IGFBP5: variants seen among roughly 807,000 people sequenced by gnomAD.
IGFBP5 encodes insulin-like growth factor-binding protein 5.
IGFBP5 carries 12 observed loss-of-function variants against 28.0 expected under a neutral mutation model. The observed-to-expected ratio is 0.43, with a 90% CI of 0.27 to 0.69. The LOEUF is 0.69. IGFBP5 is among the 30% of genes least tolerant of loss of function. The probability of loss-of-function intolerance (pLI) is 0.20; values close to 1 mark genes in which losing one functional copy is unlikely to be tolerated. For missense variants in IGFBP5, 344 were observed against 381.6 expected, an observed-to-expected ratio of 0.90 and a Z score of 0.82; for synonymous variants, 152 against 150.2, an observed-to-expected ratio of 1.01 and a Z score of -0.09.
chr2:216,693,276 C>T (rs1574584215), intron 1 of IGFBP5, among the ~76,000 whole-genome samples: 1 of 152,060 alleles, frequency 6.6e-6, no homozygotes, highest in Non-Finnish European at 1.5e-5. Context: ...CTCCTGGCGC[C>T]GAGAATTTGG....
rs1303690987 is a variant in IGFBP5, at chr2:216,675,771, C to A, written c.*980G>T. On this transcript the variant is annotated 3_prime_UTR_variant, in exon 4 of 4. Transcript: ENST00000233813. Reference sequence around the variant, plus strand: ...AAAGAAAAAGAATAGATTTATATGCCTATATATGACTATATGGAGTCCTGT... The same window carrying A: ...AAAGAAAAAGAATAGATTTATATGCATATATATGACTATATGGAGTCCTGT... 1 of 151,724 alleles carries A rather than the reference C, an allele frequency of 6.6e-6. No individual in the cohort carries two copies. The highest frequency in any genetic ancestry group is 2.4e-5 in the African/African-American group (1 of 41,344). 9.4% of individuals were successfully genotyped at this position (151,724 alleles called of 1,614,324 possible).
chr2:216,681,765 C>G (rs1688980177), intron 1 of IGFBP5, among the ~76,000 whole-genome samples: 1 of 152,162 alleles, frequency 6.6e-6, no homozygotes, highest in African/African-American at 2.4e-5. Flanking sequence ...TTGGGGGACA[C>G]AGAAGCATGG....
rs59144401 is a variant in IGFBP5, at chr2:216,692,362, C to CGTGTGTGTGTGTGTGT, written c.337+2061_337+2076dup. Among the ~76,000 whole-genome samples the CGTGTGTGTGTGTGTGT allele has an allele frequency of 4.9e-4, 70 of 142,530 alleles. No individual in the cohort carries two copies. Among genetic ancestry groups the CGTGTGTGTGTGTGTGT allele is most frequent in the Admixed American group, 1.2e-3 (17 of 14,540 alleles). 93.5% of individuals were successfully genotyped at this position (142,530 alleles called of 152,430 possible). A position where few individuals can be genotyped will look rare whatever the true frequency, so the allele number is the denominator to read the frequency against. On this transcript the variant is annotated intron_variant, in intron 1 of 3. Coordinates refer to ENST00000233813, the MANE Select transcript of IGFBP5 (RefSeq NM_000599.4). This position sits in a 1 kb window ranked among gnomAD's most constrained non-coding sequence, Gnocchi z 4.2. Reference sequence around the variant, plus strand: ...GGGATCTTGCTTGGGACTGAAGTGTCGTGTGTGTGTGTGTGTGTGTGTGTG... The same window carrying CGTGTGTGTGTGTGTGT: ...GGGATCTTGCTTGGGACTGAAGTGTCGTGTGTGTGTGTGTGTGTGTGTGTGTGTGTGTGTGTGTGTG...
In IGFBP5 at chr2:216,672,544, C is replaced by T. The variant is rs920785609; in HGVS notation, c.*4207G>A. The T allele has an allele frequency of 2.0e-5, 3 of 151,874 alleles. No individual in the cohort carries two copies. Among genetic ancestry groups the T allele is most frequent in the Admixed American group, 1.3e-4 (2 of 15,230 alleles). 9.4% of individuals were successfully genotyped at this position (151,874 alleles called of 1,614,324 possible). ...AAAAAAAAAAGAAAAAGAAAAACAA[C>T]AACAACAACAACGAAAACAACCGGT... is the stretch of plus-strand genomic sequence containing the variant. On this transcript the variant is annotated 3_prime_UTR_variant, in exon 4 of 4. Transcript: ENST00000233813.
chr2:216,685,887 T>G (rs1334542167), intron 1 of IGFBP5, among the ~76,000 whole-genome samples: 2 of 152,120 alleles, frequency 1.3e-5, no homozygotes, highest in Admixed American at 6.5e-5. Context: ...TGTTTTTGTT[T>G]TTTGTTTGTT....
chr2:216,682,243 G>A (rs964022829), intron 1 of IGFBP5, among the ~76,000 whole-genome samples: 11 of 152,222 alleles, frequency 7.2e-5, no homozygotes, highest in African/African-American at 2.4e-4. Flanking sequence ...GTCCAGTGTC[G>A]AAGATACTAA....
Position 216,676,676 on chromosome 2 carries a change from G to T in IGFBP5, c.*75C>A. 5 of 932,244 alleles carry T rather than the reference G, an allele frequency of 5.4e-6. No individual in the cohort carries two copies. Among genetic ancestry groups the T allele is most frequent in the Non-Finnish European group, 5.0e-6 (3 of 598,236 alleles). 57.7% of individuals were successfully genotyped at this position (932,244 alleles called of 1,614,324 possible). ...AATGAGATGAAATGAGTGGCGTCCTGGGGTGGAGGGAGGCGCTGGCTGGAG... is the reference window on the plus strand; with the variant it reads ...AATGAGATGAAATGAGTGGCGTCCTTGGGTGGAGGGAGGCGCTGGCTGGAG... On this transcript the variant is annotated 3_prime_UTR_variant, in exon 4 of 4. Transcript: ENST00000233813.
intron 1 of IGFBP5, among the ~76,000 whole-genome samples, chr2:216,682,713 T>G (rs1688989905): frequency 6.6e-6 from 1 of 151,170 alleles, no homozygotes. Context: ...AAGCGTTTTT[T>G]GTTTTTTTTT....
rs1315489521 is a variant in IGFBP5, at chr2:216,694,176, G to C, written c.337+263C>G. On this transcript the variant is annotated intron_variant, in intron 1 of 3. Coordinates refer to ENST00000233813, the MANE Select transcript of IGFBP5 (RefSeq NM_000599.4). This position sits in a 1 kb window ranked among gnomAD's most constrained non-coding sequence, Gnocchi z 5.2. ...GAATAAGAGCTCAGAATCAGTATTC[G>C]GACAGAGTAGGGGGAGGGGGCGGGC... is the stretch of plus-strand genomic sequence containing the variant. Among the ~76,000 whole-genome samples the C allele has an allele frequency of 6.6e-6, 1 of 151,848 alleles. No homozygotes were observed. The highest frequency in any genetic ancestry group is 1.5e-5 in the Non-Finnish European group (1 of 67,968).
Position 216,694,818 on chromosome 2 carries a change from G to A in IGFBP5, c.-43C>T, listed in dbSNP as rs1689149188. ...CTTTACCTCGGGGTGGGGCAGGAGA[G>A]CGAGAGTGCAGGGATAAAGGGGCCA... On this transcript the variant is annotated 5_prime_UTR_variant, in exon 1 of 4. Coordinates refer to ENST00000233813, the MANE Select transcript of IGFBP5 (RefSeq NM_000599.4). The surrounding 1 kb of genome is among the most constrained non-coding windows in gnomAD (Gnocchi z 5.2). The A allele has an allele frequency of 1.5e-6, 2 of 1,326,054 alleles. No homozygotes were observed. Among genetic ancestry groups the A allele is most frequent in the Non-Finnish European group, 1.9e-6 (2 of 1,026,630 alleles). 82.1% of individuals were successfully genotyped at this position (1,326,054 alleles called of 1,614,324 possible). A position where few individuals can be genotyped will look rare whatever the true frequency, so the allele number is the denominator to read the frequency against.
chr2:216,686,531 G>C (rs1195360760), intron 1 of IGFBP5, among the ~76,000 whole-genome samples: 1 of 152,002 alleles, frequency 6.6e-6, no homozygotes, highest in Non-Finnish European at 1.5e-5. Context: ...AAGGGAGGAT[G>C]GCTTGAACCC....
At chr2:216,689,200 A>G (rs952100497) in intron 1 of IGFBP5, among the ~76,000 whole-genome samples, 10 of 152,132 alleles carry the variant, frequency 6.6e-5, no homozygotes, top group Non-Finnish European at 1.5e-4. Context: ...CTTCAAGACT[A>G]CAGGCCGCTG....
chr2:216,684,157 T>C (rs1689009857), intron 1 of IGFBP5, among the ~76,000 whole-genome samples: 2 of 152,210 alleles, frequency 1.3e-5, no homozygotes, highest in Non-Finnish European at 2.9e-5. Flanking sequence ...ACAACGCATG[T>C]ACCCTGCCCA....
chr2:216,676,738 G>C lies in IGFBP5; in HGVS notation c.*13C>G, dbSNP rs377470775. On this transcript the variant is annotated 3_prime_UTR_variant, in exon 4 of 4. Transcript: ENST00000233813. ...GGTGGGAGGGGGTGAGGGAAAGGTT[G>C]GGGGGGGACGCATCACTCAACGTTG... is the stretch of plus-strand genomic sequence containing the variant. The C allele has an allele frequency of 3.8e-6, 6 of 1,590,366 alleles. No individual in the cohort carries two copies. The South Asian group carries it at 4.5e-5, about 12-fold the overall frequency.
In IGFBP5 at chr2:216,679,002, G is replaced by A. The variant is rs1466432252; in HGVS notation, c.415C>T (p.Pro139Ser). 6.2e-7 allele frequency: 1 copy of A among 1,614,136 alleles called. No homozygotes were observed. Among genetic ancestry groups the A allele is most frequent in the South Asian group, 1.1e-5 (1 of 91,066 alleles). ...AGCTCGGAGATGCGGGTGTGTTTGGGCCGGAAGATCTTGGGGGAGTAGGTC... is the reference window on the plus strand; with the variant it reads ...AGCTCGGAGATGCGGGTGTGTTTGGACCGGAAGATCTTGGGGGAGTAGGTC... ...EETYSPKIFR[P>S]KHTRISELKA... The change falls in exon 2 of 4, where the codon CCC becomes TCC. Residue 139 changes from proline (P) to serine (S), a missense_variant. Physicochemically the swap from Pro to Ser is moderately conservative, Grantham distance 74. Transcript: ENST00000233813. The surrounding 1 kb of genome is among the most constrained non-coding windows in gnomAD (Gnocchi z 4.6).
At chr2:216,690,042 AAG>A (rs879653775) in intron 1 of IGFBP5, among the ~76,000 whole-genome samples, 2 of 150,944 alleles carry the variant, frequency 1.3e-5, no homozygotes, top group Admixed American at 6.6e-5. Flanking sequence ...CTGGAAATAA[AAG>A]GGGGGGATTT....
chr2:216,681,052 G>A (rs1055230451), intron 1 of IGFBP5, among the ~76,000 whole-genome samples: 1 of 152,154 alleles, frequency 6.6e-6, no homozygotes, highest in Non-Finnish European at 1.5e-5. Context: ...AGGAGGAAGG[G>A]AGAAGCATGG....
chr2:216,678,012 G>T, intron 3 of IGFBP5, 100 bp downstream of exon 3: 1 of 1,176,824 alleles, frequency 8.5e-7, no homozygotes. Context: ...ACACTAAGTG[G>T]TTAACGGTGG....
intron 1 of IGFBP5, among the ~76,000 whole-genome samples, chr2:216,689,020 C>G (rs960640554): frequency 6.6e-6 from 1 of 152,208 alleles, no homozygotes; most frequent in African/African-American, 2.4e-5. Flanking sequence ...CCCTCATGCT[C>G]TCTTCCTTAT....
Sources: gnomAD v4.1 joint callset for allele counts (sites outside exome capture counted in the v4.1 genomes callset) on GRCh38, gnomAD v4.1.1 for gene constraint, Gnocchi (gnomAD v3.1) non-coding constraint, MANE v1.5 for transcripts, NCBI Gene and HGNC (gene_info 2026-07-23, HGNC 2026-07-21) for gene names.